EFTUD2: variants seen among roughly 807,000 people sequenced by gnomAD.
EFTUD2 encodes the protein elongation factor Tu GTP binding domain containing 2.
EFTUD2 carries 9 observed loss-of-function variants against 114.3 expected under a neutral mutation model. The observed-to-expected ratio is 0.08, with a 90% confidence interval of 0.05 to 0.14. The LOEUF (loss-of-function observed/expected upper bound fraction) is 0.14. Ranked by LOEUF, EFTUD2 falls within the 10% of genes least tolerant of loss-of-function variation. The pLI is 1.00. For synonymous variants in EFTUD2, 449 were observed against 462.3 expected (o/e 0.97, Z 0.37); for missense variants, 765 against 1,241.2 (o/e 0.62, Z 5.76).
chr17:44,882,290 C>T (rs948437581), intron 6 of EFTUD2, among the ~76,000 whole-genome samples: 3 of 152,008 alleles, frequency 2.0e-5, no homozygotes, highest in Non-Finnish European at 2.9e-5. Flanking sequence ...CTCACTCAGT[C>T]GCCCAGACTA....
intron 16 of EFTUD2, among the ~76,000 whole-genome samples, chr17:44,861,205 C>T (rs1453944912): frequency 6.6e-6 from 1 of 152,050 alleles, no homozygotes; most frequent in Non-Finnish European, 1.5e-5. Context: ...CTTTGGGAGG[C>T]TGAGGTGGGT....
chr17:44,890,682 A>C (rs1024954145), intron 2 of EFTUD2, among the ~76,000 whole-genome samples: 1 of 152,046 alleles, frequency 6.6e-6, no homozygotes, highest in Non-Finnish European at 1.5e-5. Flanking sequence ...ACAAGAGCGA[A>C]ACTCCATCTC....
chr17:44,862,091 G>A (rs193256848), intron 16 of EFTUD2, among the ~76,000 whole-genome samples: 3 of 152,248 alleles, frequency 2.0e-5, no homozygotes, highest in Admixed American at 6.5e-5. Context: ...ATTAAGATGA[G>A]TAACAATGGA....
rs2051102268 is a variant in EFTUD2, at chr17:44,883,080, A to T, written c.492+13T>A. On this transcript the variant is annotated intron_variant, in intron 6 of 27. Coordinates refer to ENST00000426333, the MANE Select transcript of EFTUD2 (RefSeq NM_004247.4). ...ATGGTTCATCCTAAACCCTCAACAGAAGTTCTACTTACATCTTGGTCATAG... is the reference window on the plus strand; with the variant it reads ...ATGGTTCATCCTAAACCCTCAACAGTAGTTCTACTTACATCTTGGTCATAG... 6.2e-7 allele frequency: 1 copy of T among 1,613,916 alleles called. No individual in the cohort carries two copies. The highest frequency in any genetic ancestry group is 1.3e-5 in the African/African-American group (1 of 74,918).
chr17:44,859,200 T>C lies in EFTUD2; in HGVS notation c.1861-19A>G. 1 of 1,573,638 alleles carries C rather than the reference T, an allele frequency of 6.4e-7. No individual in the cohort carries two copies. The highest frequency in any genetic ancestry group is 8.7e-7 in the Non-Finnish European group (1 of 1,143,038). On this transcript the variant is annotated intron_variant, in intron 18 of 27. Transcript: ENST00000426333. ...CCTCCACCTGAAACACAACAGGCAGTCACAGCCTGGATTCTCTTATGCCAG... is the reference window on the plus strand; with the variant it reads ...CCTCCACCTGAAACACAACAGGCAGCCACAGCCTGGATTCTCTTATGCCAG...
chr17:44,853,501 C>A lies in EFTUD2; in HGVS notation c.2466+16G>T, dbSNP rs369221571. On this transcript the variant is annotated intron_variant, in intron 24 of 27. Transcript: ENST00000426333. ...TCCAGTGAAGCAGATGGTCCCCTAC[C>A]GCCCCATTCTCTTACCATGAGGAAG... The A allele has an allele frequency of 7.4e-6, 12 of 1,613,472 alleles. No individual in the cohort carries two copies. In the East Asian group the frequency reaches 2.5e-4, roughly 33 times the overall value.
At chr17:44,888,033 C>CA (rs932980589) in intron 2 of EFTUD2, among the ~76,000 whole-genome samples, 1 of 151,812 alleles carries the variant, frequency 6.6e-6, no homozygotes, top group Non-Finnish European at 1.5e-5. Flanking sequence ...GCTACTGAAG[C>CA]AAAAAATCTG....
rs767652244 is a variant in EFTUD2 at position 44,880,566 on chromosome 17, T to C, written c.607A>G (p.Met203Val). 1.2e-6 allele frequency: 2 copies of C among 1,613,278 alleles called. No individual in the cohort carries two copies. Among genetic ancestry groups the C allele is most frequent in the Admixed American group, 1.7e-5 (1 of 60,006 alleles). The change falls in exon 8 of 28, where the codon ATG (methionine) becomes GTG (valine). Residue 203 changes from methionine to valine, a missense_variant. By Grantham distance (21) the Met-to-Val change is conservative (BLOSUM62 1). Transcript: ENST00000426333. ...TKGKSYLFNIMDTPGHVNFSD... is the reference protein window; with the variant it reads ...TKGKSYLFNIVDTPGHVNFSD... ...AAGGATGTCCTACCTGGAGTGTCCA[T>C]GATATTGAAGAGATAAGATTTTCCT... is the stretch of plus-strand genomic sequence containing the variant.
At chr17:44,861,301 C>T (rs1362758810) in intron 16 of EFTUD2, among the ~76,000 whole-genome samples, 4 of 151,898 alleles carry the variant, frequency 2.6e-5, no homozygotes, top group Non-Finnish European at 5.9e-5. Context: ...AAAAATTAGC[C>T]AGACATGGTG....
chr17:44,897,215 CAAA>C (rs60766041), intron 1 of EFTUD2, among the ~76,000 whole-genome samples: 4 of 66,534 alleles, frequency 6.0e-5, no homozygotes, highest in East Asian at 8.3e-4. Context: ...GACTCCGTCT[CAAA>C]AAAAAAAAAA....
At chr17:44,873,288 T>C (rs894743593) in intron 10 of EFTUD2, 2 of 152,234 alleles carry the variant, frequency 1.3e-5, no homozygotes, top group African/African-American at 4.8e-5. Flanking sequence ...TCAACACTTT[T>C]AAAGCTGCTT....
chr17:44,885,989 C>T (rs571504390), intron 3 of EFTUD2, among the ~76,000 whole-genome samples: 2 of 152,126 alleles, frequency 1.3e-5, no homozygotes, highest in Admixed American at 6.5e-5. Flanking sequence ...GTAATCCCAG[C>T]TCTTTGGGAG....
At position 44,894,433 on chromosome 17, in the gene EFTUD2, G is replaced by A. The variant is rs2051340026; in HGVS notation, c.89C>T (p.Thr30Ile). The A allele has an allele frequency of 6.2e-7, 1 of 1,612,908 alleles. No individual in the cohort carries two copies. Among genetic ancestry groups the A allele is most frequent in the Non-Finnish European group, 8.5e-7 (1 of 1,178,874 alleles). ...TTGTTTTACCTCATCAAGATCTTTG[G>A]TCTCTCTACCCAATTCATCATCATC... ...DEDDDELGRE[T>I]KDLDEMDDDD... Residue 30 changes from threonine to isoleucine, a missense_variant, in exon 2 of 28, where the codon ACC becomes ATC. By Grantham distance (89) the Thr-to-Ile change is moderately conservative. This residue lies in a region of EFTUD2 where 121 missense variants were observed against 133.7 expected (regional missense o/e 0.90). Coordinates refer to ENST00000426333, the MANE Select transcript of EFTUD2 (RefSeq NM_004247.4).
chr17:44,868,258 T>C (rs1597803306), intron 12 of EFTUD2, 29 bp downstream of exon 12: 1 of 1,604,846 alleles, frequency 6.2e-7, no homozygotes. Flanking sequence ...ATCACCCCTC[T>C]GGAAAGTCAC....
chr17:44,879,936 G>A (rs1242396598), intron 8 of EFTUD2, among the ~76,000 whole-genome samples: 2 of 152,084 alleles, frequency 1.3e-5, no homozygotes, highest in Non-Finnish European at 2.9e-5. Context: ...AGTTCTGTGG[G>A]ATTCAAGACA....
At chr17:44,856,966 G>C (rs1361524234) in intron 20 of EFTUD2, 109 bp downstream of exon 20, 1 of 886,322 alleles carries the variant, frequency 1.1e-6, no homozygotes, top group Admixed American at 2.0e-5. Context: ...ATTCTGAGCT[G>C]TAGAGGTCTC....
intron 9 of EFTUD2, among the ~76,000 whole-genome samples, chr17:44,876,580 C>T (rs1278632722): frequency 6.6e-6 from 1 of 152,138 alleles, no homozygotes; most frequent in African/African-American, 2.4e-5. Context: ...TGGCCGGGCA[C>T]AGTGGCTCAT....
intron 3 of EFTUD2, among the ~76,000 whole-genome samples, chr17:44,886,225 C>A (rs903383128): frequency 6.6e-6 from 1 of 151,988 alleles, no homozygotes; most frequent in Admixed American, 6.5e-5. Context: ...CAGAGCAAGA[C>A]TTCGTCTCAA....
chr17:44,897,335 C>T (rs906818527), intron 1 of EFTUD2, among the ~76,000 whole-genome samples: 3 of 151,796 alleles, frequency 2.0e-5, no homozygotes, highest in African/African-American at 7.3e-5. Context: ...TGCTTCTTCT[C>T]TTCACTTCTT....
Sources: gnomAD v4.1 joint callset for allele counts (sites outside exome capture counted in the v4.1 genomes callset) on GRCh38, gnomAD v4.1.1 for gene constraint, gnomAD v4.1.1 regional missense constraint, MANE v1.5 for transcripts, NCBI Gene and HGNC (gene_info 2026-07-23, HGNC 2026-07-21) for gene names.